The following LPIN3 variants were observed in gnomAD, a reference collection of about 807,000 sequenced individuals.
LPIN3 encodes the protein lipin 3.
A neutral mutation model predicts 94.7 loss-of-function variants in LPIN3; 82 were observed. The observed-to-expected ratio is 0.87, with a 90% confidence interval of 0.72 to 1.04. LPIN3 has a LOEUF of 1.04. LPIN3 is among the 50% of genes least tolerant of loss of function. The pLI, the probability that LPIN3 is intolerant of heterozygous loss-of-function variation, is 0.00. For synonymous variants in LPIN3, 418 were observed against 443.3 expected (o/e 0.94, Z 0.72); for missense variants, 996 against 1,090.5 (o/e 0.91, Z 1.22).
At position 41,358,457 on chromosome 20, in the gene LPIN3, C is replaced by G. The variant is rs759569886; in HGVS notation, c.2326C>G (p.Gln776Glu). 3 of 1,614,032 alleles carry G rather than the reference C, an allele frequency of 1.9e-6. No individual in the cohort carries two copies. Among genetic ancestry groups the G allele is most frequent in the African/African-American group, 2.7e-5 (2 of 74,944 alleles). ...NRPNDVFAYR[Q>E]VGLPESRIFT... ...CCCACAGGATGTCTTTGCCTACCGG[C>G]AGGTGGGCCTGCCTGAGTCACGCAT... Residue 776 changes from glutamine to glutamate, a missense_variant, in exon 19 of 20, where the codon CAG (glutamine) becomes GAG (glutamate). Transcript: ENST00000373257.
intron 2 of LPIN3, among the ~76,000 whole-genome samples, chr20:41,347,268 A>G (rs143614356): frequency 1.1e-3 from 170 of 152,324 alleles, no homozygotes; most frequent in African/African-American, 3.8e-3. Context: ...GCAATACACA[A>G]GAAGACCGAG....
Position 41,349,777 on chromosome 20 carries a change from C to T in LPIN3, c.642C>T (p.Leu214=), listed in dbSNP as rs757382860. ...SDGEWPPQAS[L]SAGELTSPKS... is the part of the protein sequence containing the mutation. ...CCTCTCAATATGTCTCCTGCAGCCT[C>T]TCAGCAGGTGAGCTAACATCCCCTA... The change falls in exon 6 of 20, where the codon CTC becomes CTT. Residue 214 remains leucine (L), a synonymous_variant. Transcript: ENST00000373257. 6.2e-7 allele frequency: 1 copy of T among 1,612,868 alleles called. No individual in the cohort carries two copies. Among genetic ancestry groups the T allele is most frequent in the South Asian group, 1.1e-5 (1 of 90,960 alleles).
chr20:41,349,317 C>G lies in LPIN3; in HGVS notation c.638+145C>G, dbSNP rs965568871. On this transcript the variant is annotated intron_variant, in intron 5 of 19. Transcript: ENST00000373257. ...TTTTTCCTTTGTAAAGAGTTCAAGT[C>G]TTTTATTGATTTTTTTAAATTGCGG... 11 of 684,316 alleles carry G rather than the reference C, an allele frequency of 1.6e-5. No homozygotes were observed. In the East Asian group the frequency reaches 3.1e-4, roughly 19 times the overall value. The allele number at this position is 684,316 out of a possible 1,614,324, so 42.4% of individuals were successfully genotyped here. A position where few individuals can be genotyped will look rare whatever the true frequency, so the allele number is the denominator to read the frequency against.
rs75257468 is a variant in LPIN3 at position 41,359,123 on chromosome 20, C to CTTT, written c.*280_*282dup. The CTTT allele has an allele frequency of 8.2e-4, 63 of 77,000 alleles. No homozygotes were observed. Among genetic ancestry groups the CTTT allele is most frequent in the South Asian group, 1.7e-3 (4 of 2,288 alleles). The allele number at this position is 77,000 out of a possible 1,614,324, so 4.8% of individuals were successfully genotyped here. On this transcript the variant is annotated 3_prime_UTR_variant, in exon 20 of 20. Coordinates refer to ENST00000373257, the MANE Select transcript of LPIN3 (RefSeq NM_022896.3). ...TTGTCATCTGGGCCCTTGCAGGGTTCTTTTTTTTTTTTTTTTTTTTTTTTT... is the reference window on the plus strand; with the variant it reads ...TTGTCATCTGGGCCCTTGCAGGGTTCTTTTTTTTTTTTTTTTTTTTTTTTTTTT...
chr20:41,354,611 A>G (rs757877606), intron 11 of LPIN3, 34 bp from the exon 12 acceptor site: 1 of 1,537,328 alleles, frequency 6.5e-7, no homozygotes, highest in Non-Finnish European at 8.8e-7. Flanking sequence ...TATGTGGTGC[A>G]GGAAACACTG....
chr20:41,354,727 T>G lies in LPIN3; in HGVS notation c.1610T>G (p.Leu537Arg). The G allele has an allele frequency of 6.2e-7, 1 of 1,608,008 alleles. No individual in the cohort carries two copies. The highest frequency in any genetic ancestry group is 1.3e-5 in the African/African-American group (1 of 74,946). ...TTTTCCTGGCGACGCAGGGACTTCC[T>G]GGCCGAGGAGGTGGGTGGTCACAGT... The part of the protein sequence containing the change: ...WWFSWRRRDF[L>R]AEERSAQKEK... Residue 537 changes from leucine to arginine, a missense_variant, in exon 12 of 20, where the codon CTG (leucine) becomes CGG (arginine). Leu to Arg is a moderately radical substitution (Grantham distance 102). Coordinates refer to ENST00000373257, the MANE Select transcript of LPIN3 (RefSeq NM_022896.3).
At chr20:41,356,956 G>T (rs1221057589) in intron 14 of LPIN3, 84 bp from the exon 15 acceptor site, 49 of 1,514,512 alleles carry the variant, frequency 3.2e-5, no homozygotes, top group Non-Finnish European at 4.1e-5. Flanking sequence ...GGCCCGAGGG[G>T]ATCGGAGGCC....
In LPIN3 at chr20:41,358,543, G is replaced by A. The variant is rs138634989; in HGVS notation, c.2411+1G>A. 2.2e-5 allele frequency: 36 copies of A among 1,613,786 alleles called. No homozygotes were observed. Among genetic ancestry groups the A allele is most frequent in the Middle Eastern group, 1.6e-4 (1 of 6,080 alleles). On this transcript the variant is annotated splice_donor_variant, in intron 19 of 19. Transcript: ENST00000373257. LOFTEE classifies it high-confidence loss of function. ...AGCTCATAAAGAACCACAAATCCAC[G>A]TGAGGCTAAACCCTGCCATGTTCCC...
intron 13 of LPIN3, 29 bp downstream of exon 13, chr20:41,354,892 C>G: frequency 6.5e-7 from 1 of 1,546,284 alleles, no homozygotes; most frequent in Non-Finnish European, 8.7e-7. Flanking sequence ...TGGGGCTCTG[C>G]AGGGGGAGCC....
At position 41,357,453 on chromosome 20, in the gene LPIN3, TG is replaced by T; in HGVS notation, c.2039+7del. 1 of 1,611,066 alleles carries T rather than the reference TG, an allele frequency of 6.2e-7. No homozygotes were observed. Among genetic ancestry groups the T allele is most frequent in the East Asian group, 2.2e-5 (1 of 44,864 alleles). Reference sequence around the variant, plus strand: ...CTCTATCACAAAATCCAACTGTGAGTGCCTGGGCTGGGGCTGGGGCTGAGGC... The same window carrying T: ...CTCTATCACAAAATCCAACTGTGAGTCCTGGGCTGGGGCTGGGGCTGAGGC... On this transcript the variant is annotated splice_region_variant and intron_variant, in intron 16 of 19. Transcript: ENST00000373257.
At position 41,357,911 on chromosome 20, in the gene LPIN3, C is replaced by T. The variant is rs756271958; in HGVS notation, c.2069C>T (p.Ala690Val). 1.3e-5 allele frequency: 21 copies of T among 1,614,118 alleles called. No individual in the cohort carries two copies. Among genetic ancestry groups the T allele is most frequent in the East Asian group, 2.2e-5 (1 of 44,888 alleles). ...LNGYKFLYCS[A>V]RAIGMADLTK... ...GGGTACAAGTTCCTGTACTGCTCGG[C>T]GCGGGCCATTGGCATGGCGGACCTC... is the stretch of plus-strand genomic sequence containing the variant. The change falls in exon 17 of 20, where the codon GCG becomes GTG. Residue 690 changes from alanine to valine, a missense_variant. Ala to Val is a moderately conservative substitution (Grantham distance 64). Transcript: ENST00000373257.
At position 41,357,948 on chromosome 20, in the gene LPIN3, C is replaced by T. The variant is rs1215492871; in HGVS notation, c.2106C>T (p.Tyr702=). ...AIGMADLTKG[Y]LQWVSEGGCS... ...GCATGGCGGACCTCACCAAGGGGTA[C>T]CTGCAGTGGGTGAGCGAGGGGGGCT... Residue 702 remains tyrosine, a synonymous_variant, in exon 17 of 20, where the codon TAC becomes TAT. Coordinates refer to ENST00000373257, the MANE Select transcript of LPIN3 (RefSeq NM_022896.3). The T allele has an allele frequency of 1.2e-6, 2 of 1,613,838 alleles. No homozygotes were observed. Among genetic ancestry groups the T allele is most frequent in the African/African-American group, 1.3e-5 (1 of 74,922 alleles).
At position 41,352,346 on chromosome 20, in the gene LPIN3, C is replaced by G. The variant is rs1270682790; in HGVS notation, c.1363+126C>G. The G allele has an allele frequency of 6.3e-6, 7 of 1,118,534 alleles. No homozygotes were observed. In the Admixed American group the frequency reaches 1.5e-4, roughly 24 times the overall value. 69.3% of individuals were successfully genotyped at this position (1,118,534 alleles called of 1,614,324 possible). On this transcript the variant is annotated intron_variant, in intron 9 of 19. Coordinates refer to ENST00000373257, the MANE Select transcript of LPIN3 (RefSeq NM_022896.3). ...GCTGGGCTTCCCTGCAGCTCTCTGCCCTGTGCAGTCCACACTCCGCCAGCA... is the reference window on the plus strand; with the variant it reads ...GCTGGGCTTCCCTGCAGCTCTCTGCGCTGTGCAGTCCACACTCCGCCAGCA...
chr20:41,342,495 G>C (rs1347834761), intron 1 of LPIN3, among the ~76,000 whole-genome samples: 1 of 152,168 alleles, frequency 6.6e-6, no homozygotes, highest in Non-Finnish European at 1.5e-5. Flanking sequence ...GCTGATTTTA[G>C]ACATGTTAGT....
chr20:41,340,846 T>G lies in LPIN3; in HGVS notation c.-165T>G, dbSNP rs1022207015. On this transcript the variant is annotated 5_prime_UTR_variant, in exon 1 of 20. Coordinates refer to ENST00000373257, the MANE Select transcript of LPIN3 (RefSeq NM_022896.3). Reference sequence around the variant, plus strand: ...AGATTGGGGCCTGTGGAGGCCGCACTAGGATCGTAGAAGGAGTGGAGCCGT... The same window carrying G: ...AGATTGGGGCCTGTGGAGGCCGCACGAGGATCGTAGAAGGAGTGGAGCCGT... 4.8e-4 allele frequency: 73 copies of G among 152,344 alleles called. No homozygotes were observed. The highest frequency in any genetic ancestry group is 1.6e-3 in the African/African-American group (68 of 41,556). 9.4% of individuals were successfully genotyped at this position (152,344 alleles called of 1,614,324 possible).
rs1274763889 is a variant in LPIN3, at chr20:41,358,732, C to T, written c.2422C>T (p.Leu808Phe). The change falls in exon 20 of 20, where the codon CTT becomes TTT. Residue 808 changes from leucine (L) to phenylalanine (F), a missense_variant. Coordinates refer to ENST00000373257, the MANE Select transcript of LPIN3 (RefSeq NM_022896.3). ...CCCTTCTGCCTGTAGGTATGAGCGG[C>T]TTGGTGAAGTGGTCGAGCTCCTCTT... ...IKNHKSTYERLGEVVELLFPP... is the reference protein window; with the variant it reads ...IKNHKSTYERFGEVVELLFPP... 1 of 1,614,044 alleles carries T rather than the reference C, an allele frequency of 6.2e-7. No homozygotes were observed. The highest frequency in any genetic ancestry group is 2.2e-5 in the East Asian group (1 of 44,872).
chr20:41,350,718 C>A lies in LPIN3; in HGVS notation c.1102+321C>A, dbSNP rs143668241. ...AGGAGCAGGGGAAGGGAATTCTAGG[C>A]AGAGGAAACAGTATGTGCCAGGGAT... On this transcript the variant is annotated intron_variant, in intron 7 of 19. Transcript: ENST00000373257. 2.1e-3 allele frequency among the ~76,000 whole-genome samples: 323 copies of A among 152,062 alleles called. 4 individuals are homozygous for A. The highest frequency in any genetic ancestry group is 7.5e-3 in the African/African-American group (309 of 41,476).
At position 41,357,130 on chromosome 20, in the gene LPIN3, T is replaced by G. The variant is rs2046235846; in HGVS notation, c.1894T>G (p.Tyr632Asp). The G allele has an allele frequency of 1.9e-6, 3 of 1,614,152 alleles. No homozygotes were observed. The highest frequency in any genetic ancestry group is 2.5e-6 in the Non-Finnish European group (3 of 1,180,014). The change falls in exon 15 of 20, where the codon TAC becomes GAC. Residue 632 changes from tyrosine to aspartate, a missense_variant. Coordinates refer to ENST00000373257, the MANE Select transcript of LPIN3 (RefSeq NM_022896.3). Reference sequence around the variant, plus strand: ...CACCTGCCGCTGCAAGGCCACCATCTACCTGTGGAAATGGGACGACAAGGT... The same window carrying G: ...CACCTGCCGCTGCAAGGCCACCATCGACCTGTGGAAATGGGACGACAAGGT... ...QGTCRCKATI[Y>D]LWKWDDKVVI...
chr20:41,349,284 C>A, intron 5 of LPIN3, 112 bp downstream of exon 5: 1 of 873,870 alleles, frequency 1.1e-6, no homozygotes, highest in Non-Finnish European at 1.7e-6. Flanking sequence ...GTTTACTAGC[C>A]ATTCGTATTT....
Sources: allele counts gnomAD v4.1 joint callset (sites outside exome capture counted in the v4.1 genomes callset), GRCh38; gene constraint gnomAD v4.1.1; transcripts MANE v1.5; gene names NCBI Gene and HGNC (gene_info 2026-07-23, HGNC 2026-07-21).